The following TAMM41 variants were observed in gnomAD, a reference collection of about 807,000 sequenced individuals.
TAMM41 encodes the protein phosphatidate cytidylyltransferase, mitochondrial.
A neutral mutation model predicts 44.1 loss-of-function variants in TAMM41; 36 were observed. The ratio of observed to expected loss-of-function variants is 0.82; its 90% CI spans 0.63 to 1.08. The LOEUF (loss-of-function observed/expected upper bound fraction) is 1.08. Among genes scored for constraint, TAMM41 ranks in the 50% least tolerant of loss-of-function variants. The pLI, the probability that TAMM41 is intolerant of heterozygous loss-of-function variation, is 0.00. For missense variants in TAMM41, 417 were observed against 404.3 expected, an observed-to-expected ratio of 1.03 and a Z score of -0.27; for synonymous variants, 164 against 153.1, an observed-to-expected ratio of 1.07 and a Z score of -0.53.
chr3:11,728,359 C>T, the TAMM41 span, among the ~76,000 whole-genome samples: 1 of 152,226 alleles, frequency 6.6e-6, no homozygotes. Context: ...TTCAAACCCA[C>T]ATCTGGGTGC....
chr3:11,774,345 A>G, the TAMM41 span, among the ~76,000 whole-genome samples: 104 of 152,258 alleles, frequency 6.8e-4, no homozygotes, highest in African/African-American at 2.4e-3. Flanking sequence ...GCCCCTTTCT[A>G]TGTGCACCTG....
the TAMM41 span, among the ~76,000 whole-genome samples, chr3:11,744,631 G>A: frequency 6.6e-6 from 1 of 151,940 alleles, no homozygotes; most frequent in Admixed American, 6.6e-5. Context: ...GGAGGTGGAG[G>A]TTGCAGTGAG....
At chr3:11,805,044 G>C (rs1234009830) in intron 7 of TAMM41, among the ~76,000 whole-genome samples, 4 of 116,250 alleles carry the variant, frequency 3.4e-5, no homozygotes, top group South Asian at 2.9e-4. Flanking sequence ...TCTCACTCTC[G>C]CCCAGGCCAG....
At chr3:11,729,513 C>G in the TAMM41 span, among the ~76,000 whole-genome samples, 1 of 80,080 alleles carries the variant, frequency 1.2e-5, no homozygotes. Context: ...TTCTTTCTTT[C>G]TTTCTTTCTT....
chr3:11,824,357 AT>A (rs34155955), intron 4 of TAMM41, among the ~76,000 whole-genome samples: 1,742 of 105,106 alleles, frequency 0.017, 8 homozygotes, highest in Middle Eastern at 0.039. Context: ...TGCCTGGCTA[AT>A]TTTTTTTTTT....
intron 2 of TAMM41, among the ~76,000 whole-genome samples, chr3:11,839,877 G>A (rs1394216200): frequency 3.9e-5 from 6 of 152,136 alleles, no homozygotes; most frequent in African/African-American, 1.4e-4. Flanking sequence ...CACAAGACTT[G>A]TGAGTTCTCC....
the TAMM41 span, among the ~76,000 whole-genome samples, chr3:11,747,438 A>G: frequency 6.6e-6 from 1 of 152,098 alleles, no homozygotes; most frequent in Non-Finnish European, 1.5e-5. Context: ...TGTGATTGTC[A>G]AAAGCCTTTG....
chr3:11,805,374 T>C (rs1250219562), intron 7 of TAMM41, among the ~76,000 whole-genome samples: 1 of 152,146 alleles, frequency 6.6e-6, no homozygotes, highest in African/African-American at 2.4e-5. Context: ...AGGACTCAAG[T>C]GATCCTCCTG....
the TAMM41 span, among the ~76,000 whole-genome samples, chr3:11,761,894 C>T: frequency 2.1e-5 from 3 of 145,068 alleles, no homozygotes; most frequent in African/African-American, 7.8e-5. Context: ...TTGCAGTGAG[C>T]CAAGATCACG....
At chr3:11,776,381 G>A in the TAMM41 span, among the ~76,000 whole-genome samples, 1 of 151,998 alleles carries the variant, frequency 6.6e-6, no homozygotes, top group Non-Finnish European at 1.5e-5. Context: ...TTGAATTCAT[G>A]AACTGAAGCA....
intron 7 of TAMM41, among the ~76,000 whole-genome samples, chr3:11,804,649 C>T (rs1432938501): frequency 1.3e-5 from 2 of 152,140 alleles, no homozygotes; most frequent in Admixed American, 1.3e-4. Flanking sequence ...GGCAATCATG[C>T]AAAATTCAGA....
At chr3:11,757,594 C>T in the TAMM41 span, among the ~76,000 whole-genome samples, 15 of 152,236 alleles carry the variant, frequency 9.9e-5, no homozygotes, top group African/African-American at 3.4e-4. Context: ...GAGTGCGTCA[C>T]CATGATGTCA....
chr3:11,754,256 C>T, the TAMM41 span, among the ~76,000 whole-genome samples: 1 of 152,184 alleles, frequency 6.6e-6, no homozygotes, highest in Non-Finnish European at 1.5e-5. Flanking sequence ...GTCTCCAGCT[C>T]AGCTACCAAC....
Position 11,839,342 on chromosome 3 carries a change from C to T in TAMM41, c.319-28G>A, listed in dbSNP as rs303862. On this transcript the variant is annotated intron_variant, in intron 2 of 7. Coordinates refer to ENST00000455809, the MANE Select transcript of TAMM41 (RefSeq NM_001284401.2). ...GAAGGAAAAAAGAAATGGCACAAAA[C>T]GGAGTAAAATACCATGTTATTGCTT... 5.5e-5 allele frequency: 81 copies of T among 1,471,890 alleles called. No homozygotes were observed. The African/African-American group carries it at 7.4e-4, about 13-fold the overall frequency. The allele number at this position is 1,471,890 out of a possible 1,614,324, so 91.2% of individuals were successfully genotyped here.
chr3:11,770,089 C>T, the TAMM41 span, among the ~76,000 whole-genome samples: 2 of 152,214 alleles, frequency 1.3e-5, no homozygotes, highest in African/African-American at 4.8e-5. Flanking sequence ...AGAATTGGTT[C>T]AATCTCATAG....
chr3:11,730,454 G>C, the TAMM41 span, among the ~76,000 whole-genome samples: 5 of 149,886 alleles, frequency 3.3e-5, no homozygotes, highest in African/African-American at 7.4e-5. Context: ...AAAGAAATTG[G>C]CTGGGCGCGG....
chr3:11,790,119 A>T (rs73813050), downstream of TAMM41, among the ~76,000 whole-genome samples: 487 of 152,320 alleles, frequency 3.2e-3, 1 homozygote, highest in Middle Eastern at 0.024. Context: ...AGTGAACAGG[A>T]TGGAGACTAG....
At chr3:11,827,749 C>G (rs2078819110) in intron 4 of TAMM41, among the ~76,000 whole-genome samples, 1 of 151,970 alleles carries the variant, frequency 6.6e-6, no homozygotes, top group Non-Finnish European at 1.5e-5. Context: ...TCCACCTACT[C>G]TCTTCTCACC....
At chr3:11,783,637 A>G in the TAMM41 span, among the ~76,000 whole-genome samples, 1 of 152,252 alleles carries the variant, frequency 6.6e-6, no homozygotes, top group South Asian at 2.1e-4. Flanking sequence ...TATAAGATTC[A>G]TAACTCCAAG....
Sources: gnomAD v4.1 joint callset for allele counts (sites outside exome capture counted in the v4.1 genomes callset) on GRCh38, gnomAD v4.1.1 for gene constraint, MANE v1.5 for transcripts, NCBI Gene and HGNC (gene_info 2026-07-23, HGNC 2026-07-21) for gene names.